HTR3C: variants seen among roughly 807,000 people sequenced by gnomAD.
The protein encoded by HTR3C is 5-HT3-C.
HTR3C carries 32 observed loss-of-function variants against 40.5 expected under a neutral mutation model. The observed-to-expected ratio is 0.79, with a 90% CI of 0.60 to 1.06. The LOEUF is 1.06. Ranked by LOEUF, HTR3C falls within the 50% of genes least tolerant of loss-of-function variation. HTR3C has a pLI of 0.00. For missense variants in HTR3C, 523 were observed against 556.8 expected, an observed-to-expected ratio of 0.94 and a Z score of 0.61; for synonymous variants, 209 against 217.1, an observed-to-expected ratio of 0.96 and a Z score of 0.33.
chr3:184,056,912 T>C lies in HTR3C; in HGVS notation c.427T>C (p.Tyr143His). 4 of 1,613,456 alleles carry C rather than the reference T, an allele frequency of 2.5e-6. No individual in the cohort carries two copies. Among genetic ancestry groups the C allele is most frequent in the Non-Finnish European group, 3.4e-6 (4 of 1,179,526 alleles). Residue 143 changes from tyrosine (Y) to histidine (H), a missense_variant, in exon 5 of 9, where the codon TAT (tyrosine) becomes CAT (histidine). By Grantham distance (83) the Tyr-to-His change is moderately conservative. Transcript: ENST00000318351. Reference protein sequence around the residue: ...VDQTPSGLTAYISSEGRIKYD... With the variant: ...VDQTPSGLTAHISSEGRIKYD... Reference sequence around the variant, plus strand: ...TCAGACGCCTTCCGGTCTCACTGCCTATATCAGCAGTGAAGGTCGAATTAA... The same window carrying C: ...TCAGACGCCTTCCGGTCTCACTGCCCATATCAGCAGTGAAGGTCGAATTAA...
intron 6 of HTR3C, 67 bp downstream of exon 6, chr3:184,058,654 G>A: frequency 6.5e-7 from 1 of 1,544,986 alleles, no homozygotes; most frequent in Non-Finnish European, 8.7e-7. Context: ...TTGACCTATG[G>A]CTCTTTGGGA....
At position 184,056,913 on chromosome 3, in the gene HTR3C, A is replaced by T. The variant is rs1289449076; in HGVS notation, c.428A>T (p.Tyr143Phe). 1 of 1,613,536 alleles carries T rather than the reference A, an allele frequency of 6.2e-7. No individual in the cohort carries two copies. The highest frequency in any genetic ancestry group is 1.3e-5 in the African/African-American group (1 of 75,044). Residue 143 changes from tyrosine to phenylalanine, a missense_variant, in exon 5 of 9, where the codon TAT becomes TTT. Tyr to Phe is a conservative substitution (Grantham distance 22, BLOSUM62 3). Coordinates refer to ENST00000318351, the MANE Select transcript of HTR3C (RefSeq NM_130770.3). The part of the protein sequence containing the change: ...VDQTPSGLTA[Y>F]ISSEGRIKYD... ...CAGACGCCTTCCGGTCTCACTGCCT[A>T]TATCAGCAGTGAAGGTCGAATTAAG...
At position 184,055,703 on chromosome 3, in the gene HTR3C, A is replaced by G. The variant is rs865935442; in HGVS notation, c.279+347A>G. On this transcript the variant is annotated intron_variant, in intron 3 of 8. Transcript: ENST00000318351. ...CACCCCATCCTAGATGACAAGAACG[A>G]AACTCCATCACACACACACACACAC... Among the ~76,000 whole-genome samples the G allele has an allele frequency of 2.5e-5, 3 of 119,218 alleles. No individual in the cohort carries two copies. The South Asian group carries it at 7.6e-4, about 30-fold the overall frequency. The allele number at this position is 119,218 out of a possible 152,430, so 78.2% of individuals were successfully genotyped here. A position where few individuals can be genotyped will look rare whatever the true frequency, so the allele number is the denominator to read the frequency against.
chr3:184,057,492 C>T (rs559657987), intron 5 of HTR3C, among the ~76,000 whole-genome samples: 97 of 152,110 alleles, frequency 6.4e-4, no homozygotes, highest in Non-Finnish European at 1.2e-4. Context: ...CCCAGCACTT[C>T]GGGAGGCCGA....
intron 3 of HTR3C, among the ~76,000 whole-genome samples, chr3:184,055,686 C>A (rs2108971042): frequency 6.7e-6 from 1 of 149,260 alleles, no homozygotes; most frequent in East Asian, 2.0e-4. Context: ...TGCACCCCAT[C>A]CTAGATGACA....
intron 4 of HTR3C, among the ~76,000 whole-genome samples, chr3:184,056,554 C>T (rs55920142): frequency 0.056 from 8,582 of 152,214 alleles, 317 homozygotes; most frequent in Admixed American, 0.1. Flanking sequence ...CGAGACCAGC[C>T]TGGCCAACAT....
intron 4 of HTR3C, 44 bp downstream of exon 4, chr3:184,056,330 C>T (rs577831068): frequency 1.2e-5 from 16 of 1,331,046 alleles, no homozygotes; most frequent in East Asian, 9.2e-5. Context: ...CCTCATCTGC[C>T]GAGAACAGCC....
chr3:184,057,904 G>A (rs1723361592), intron 5 of HTR3C, among the ~76,000 whole-genome samples: 1 of 152,066 alleles, frequency 6.6e-6, no homozygotes, highest in African/African-American at 2.4e-5. Flanking sequence ...GCCAAATGAG[G>A]CCCAGCTGAC....
At position 184,056,286 on chromosome 3, in the gene HTR3C, C is replaced by T. The variant is rs201399376; in HGVS notation, c.389C>T (p.Ser130Phe). ...CTCCCAGACATCTTCATCGTGGAATCGTGCGTATGCAGGCTGGGGAAGCCA... is the reference window on the plus strand; with the variant it reads ...CTCCCAGACATCTTCATCGTGGAATTGTGCGTATGCAGGCTGGGGAAGCCA... ...LWLPDIFIVE[S>F]MDVDQTPSGL... Residue 130 changes from serine to phenylalanine, a missense_variant and splice_region_variant, in exon 4 of 9, where the codon TCC (serine) becomes TTC (phenylalanine). Transcript: ENST00000318351. 173 of 1,602,898 alleles carry T rather than the reference C, an allele frequency of 1.1e-4. 1 individual carries two copies. The highest frequency in any genetic ancestry group is 1.4e-4 in the Non-Finnish European group (165 of 1,169,946).
Position 184,059,924 on chromosome 3 carries a change from C to G in HTR3C, c.1022C>G (p.Pro341Arg). ...YLLHVATTQPPPMPRWLHSLL... is the reference protein window; with the variant it reads ...YLLHVATTQPRPMPRWLHSLL... ...CTGCACGTGGCCACCACCCAGCCCC[C>G]ACCCATGCCTAGGTGGCTTCACTCC... The change falls in exon 8 of 9, where the codon CCA becomes CGA. Residue 341 changes from proline (P) to arginine (R), a missense_variant. Transcript: ENST00000318351. 6.2e-7 allele frequency: 1 copy of G among 1,613,956 alleles called. No individual in the cohort carries two copies. Among genetic ancestry groups the G allele is most frequent in the South Asian group, 1.1e-5 (1 of 91,076 alleles).
chr3:184,059,784 G>C (rs878951482), intron 7 of HTR3C, 44 bp from the exon 8 acceptor site: 1 of 1,606,244 alleles, frequency 6.2e-7, no homozygotes, highest in South Asian at 1.1e-5. Flanking sequence ...GGAATGCTTA[G>C]AGATAAATTT....
intron 5 of HTR3C, 97 bp from the exon 6 acceptor site, chr3:184,058,330 A>G: frequency 7.8e-7 from 1 of 1,287,960 alleles, no homozygotes; most frequent in South Asian, 1.8e-5. Flanking sequence ...AGGATAGAGG[A>G]AAATTTGGTT....
intron 5 of HTR3C, 118 bp from the exon 6 acceptor site, chr3:184,058,309 C>T: frequency 2.0e-6 from 2 of 998,578 alleles, no homozygotes; most frequent in East Asian, 3.0e-5. Context: ...ACCAGGATAC[C>T]TTGCTTTAAA....
chr3:184,058,479 G>A lies in HTR3C; in HGVS notation c.612G>A (p.Thr204=), dbSNP rs751919433. The part of the protein sequence containing the change: ...MDKEVWEITD[T]SRKVIQTQGE... ...AGGAGGTGTGGGAGATCACAGACAC[G>A]TCTCGCAAAGTCATCCAAACCCAGG... Residue 204 remains threonine (T), a synonymous_variant, in exon 6 of 9, where the codon ACG becomes ACA. Coordinates refer to ENST00000318351, the MANE Select transcript of HTR3C (RefSeq NM_130770.3). The A allele has an allele frequency of 5.9e-5, 95 of 1,613,264 alleles. No homozygotes were observed. The Middle Eastern group carries it at 8.2e-4, about 14-fold the overall frequency.
chr3:184,053,836 C>A (rs1286438017), intron 1 of HTR3C, among the ~76,000 whole-genome samples: 1 of 152,144 alleles, frequency 6.6e-6, no homozygotes, highest in East Asian at 1.9e-4. Context: ...CTCACTGCAA[C>A]CTCCGCCTCT....
At chr3:184,055,775 A>G (rs1044621361) in intron 3 of HTR3C, among the ~76,000 whole-genome samples, 17 of 150,452 alleles carry the variant, frequency 1.1e-4, no homozygotes, top group African/African-American at 4.2e-4. Context: ...ACCTCTACCC[A>G]AAGTATAACT....
intron 5 of HTR3C, 123 bp downstream of exon 5, chr3:184,057,167 GA>G: frequency 1.5e-6 from 1 of 654,682 alleles, no homozygotes; most frequent in Non-Finnish European, 2.5e-6. Flanking sequence ...AAAGCTTTTT[GA>G]AAATACCAAT....
Position 184,059,461 on chromosome 3 carries a change from TCTACATCATAAACCTG to T in HTR3C, c.749_764del (p.Tyr250TrpfsTer29). Reference sequence around the variant, plus strand: ...GTGGCCATCAGGCGCAGGCCAAGCCTCTACATCATAAACCTGCTGGTGCCCAGTAGCTTTCTGGTTG... The same window carrying T: ...GTGGCCATCAGGCGCAGGCCAAGCCTCTGGTGCCCAGTAGCTTTCTGGTTG... On this transcript the variant is annotated frameshift_variant, in exon 7 of 9. Coordinates refer to ENST00000318351, the MANE Select transcript of HTR3C (RefSeq NM_130770.3). LOFTEE classifies it high-confidence loss of function. 6.2e-7 allele frequency: 1 copy of T among 1,614,184 alleles called. No individual in the cohort carries two copies. Among genetic ancestry groups the T allele is most frequent in the Non-Finnish European group, 8.5e-7 (1 of 1,180,036 alleles).
Position 184,058,576 on chromosome 3 carries a change from A to C in HTR3C, c.709A>C (p.Ile237Leu), listed in dbSNP as rs1261019093. ...MSMGNNLYDQ[I>L]MFYVAIRRRP... ...CATGGGCAACAACCTATATGACCAG[A>C]TCATGTTTTATGTGAGTCCAGGGGC... is the stretch of plus-strand genomic sequence containing the variant. Residue 237 changes from isoleucine (I) to leucine (L), a missense_variant, in exon 6 of 9, where the codon ATC becomes CTC. Physicochemically the swap from Ile to Leu is conservative, Grantham distance 5. Coordinates refer to ENST00000318351, the MANE Select transcript of HTR3C (RefSeq NM_130770.3). The C allele has an allele frequency of 6.2e-7, 1 of 1,611,466 alleles. No individual in the cohort carries two copies. The highest frequency in any genetic ancestry group is 8.5e-7 in the Non-Finnish European group (1 of 1,179,096).
Sources: allele counts gnomAD v4.1 joint callset (sites outside exome capture counted in the v4.1 genomes callset), GRCh38; gene constraint gnomAD v4.1.1; transcripts MANE v1.5; gene names NCBI Gene and HGNC (gene_info 2026-07-23, HGNC 2026-07-21).